The following NPM1 variants were observed in gnomAD, a reference collection of about 807,000 sequenced individuals.
The protein encoded by NPM1 is nucleophosmin.
Under a neutral mutation model 44.1 loss-of-function variants are expected in NPM1, and 1 was observed. The ratio of observed to expected loss-of-function variants is 0.02; its 90% CI spans 0.01 to 0.11. The LOEUF (loss-of-function observed/expected upper bound fraction) is 0.11. Among genes scored for constraint, NPM1 ranks in the 10% least tolerant of loss-of-function variants. The probability of loss-of-function intolerance (pLI) is 1.00; values close to 1 mark genes in which losing one functional copy is unlikely to be tolerated. For synonymous variants in NPM1, 126 were observed against 111.8 expected (o/e 1.13, Z -0.80); for missense variants, 197 against 347.8 (o/e 0.57, Z 3.45).
At chr5:171,399,252 C>CT (rs1273947117) in intron 6 of NPM1, among the ~76,000 whole-genome samples, 1 of 151,542 alleles carries the variant, frequency 6.6e-6, no homozygotes, top group African/African-American at 2.4e-5. Context: ...CCTTAAGTGT[C>CT]TTTTTTGTTT....
At chr5:171,403,683 G>A (rs1335789460) in intron 8 of NPM1, among the ~76,000 whole-genome samples, 4 of 145,080 alleles carry the variant, frequency 2.8e-5, no homozygotes, top group Non-Finnish European at 6.1e-5. Context: ...GGCCAGGCGG[G>A]GGGCTGACCC....
At chr5:171,387,722 A>G, upstream of NPM1, 1 of 557,986 alleles carries the variant, frequency 1.8e-6, no homozygotes. Flanking sequence ...GTGGGGTTGA[A>G]AAGCGCTTGC....
At chr5:171,395,489 G>A (rs549983640) in intron 6 of NPM1, among the ~76,000 whole-genome samples, 16 of 152,090 alleles carry the variant, frequency 1.1e-4, no homozygotes, top group African/African-American at 3.1e-4. Context: ...TAGTAGAGAC[G>A]GGGTTTCACC....
intron 6 of NPM1, among the ~76,000 whole-genome samples, chr5:171,393,237 G>A (rs550926192): frequency 2.6e-5 from 4 of 152,286 alleles, no homozygotes; most frequent in Admixed American, 2.0e-4. Context: ...TGTTTGTGAA[G>A]TTTGATTATG....
chr5:171,400,058 G>A (rs1771111024), intron 6 of NPM1, 95 bp from the exon 7 acceptor site: 8 of 748,406 alleles, frequency 1.1e-5, no homozygotes, highest in South Asian at 7.6e-5. Flanking sequence ...CGATAAACAT[G>A]GGTGCACAAA....
At chr5:171,396,350 TAAG>T (rs965774684) in intron 6 of NPM1, among the ~76,000 whole-genome samples, 4 of 152,130 alleles carry the variant, frequency 2.6e-5, no homozygotes, top group East Asian at 1.9e-4. Context: ...TTTTAACAAA[TAAG>T]AAAAAATGTT....
At chr5:171,392,264 C>T (rs1770615762) in intron 4 of NPM1, among the ~76,000 whole-genome samples, 2 of 152,262 alleles carry the variant, frequency 1.3e-5, no homozygotes, top group East Asian at 3.9e-4. Context: ...TTAATAAAGA[C>T]AGTCTCATTA....
chr5:171,387,350 A>C (rs561908477), upstream of NPM1: 1 of 158,822 alleles, frequency 6.3e-6, no homozygotes, highest in South Asian at 2.0e-4. Context: ...GCCTTCAGGC[A>C]AGTAAAAAAT....
Position 171,392,785 on chromosome 5 carries a change from C to G in NPM1, c.428C>G (p.Ser143Cys), listed in dbSNP as rs375558588. Residue 143 changes from serine to cysteine, a missense_variant, in exon 5 of 11, where the codon TCT (serine) becomes TGT (cysteine). Physicochemically the swap from Ser to Cys is moderately radical, Grantham distance 112. Transcript: ENST00000296930. ...VKLLSISGKRSAPGGGSKVPQ... is the reference protein window; with the variant it reads ...VKLLSISGKRCAPGGGSKVPQ... Reference sequence around the variant, plus strand: ...CTCTTAAGTATATCTGGAAAGCGGTCTGCCCCTGGAGGTGGTAGCAAGGTT... The same window carrying G: ...CTCTTAAGTATATCTGGAAAGCGGTGTGCCCCTGGAGGTGGTAGCAAGGTT... 4.3e-6 allele frequency: 7 copies of G among 1,613,804 alleles called. No individual in the cohort carries two copies. The highest frequency in any genetic ancestry group is 1.1e-5 in the South Asian group (1 of 91,062).
rs1292713453 is a variant in NPM1, at chr5:171,391,298, T to G, written c.139-7T>G. 1 of 1,604,824 alleles carries G rather than the reference T, an allele frequency of 6.2e-7. No individual in the cohort carries two copies. The highest frequency in any genetic ancestry group is 2.2e-5 in the East Asian group (1 of 44,774). On this transcript the variant is annotated splice_region_variant and splice_polypyrimidine_tract_variant and intron_variant, in intron 2 of 10. Transcript: ENST00000296930. Reference sequence around the variant, plus strand: ...AAGTTGAAGTAGTATTTTTTTTTTGTTCACAGGTCAGTTTAGGGGCTGGTG... The same window carrying G: ...AAGTTGAAGTAGTATTTTTTTTTTGGTCACAGGTCAGTTTAGGGGCTGGTG...
chr5:171,388,794 T>C (rs1297172173), intron 1 of NPM1, among the ~76,000 whole-genome samples: 1 of 152,230 alleles, frequency 6.6e-6, no homozygotes, highest in Non-Finnish European at 1.5e-5. Context: ...TCTGTCTCAC[T>C]GCGGTAGGTG....
At chr5:171,404,956 A>G (rs1160656578) in intron 8 of NPM1, among the ~76,000 whole-genome samples, 1 of 152,032 alleles carries the variant, frequency 6.6e-6, no homozygotes, top group African/African-American at 2.4e-5. Context: ...TTTTATTTAA[A>G]GAGATGGGTG....
intron 6 of NPM1, among the ~76,000 whole-genome samples, chr5:171,396,289 TGTTTTGATAGTA>T (rs1009895042): frequency 3.3e-5 from 5 of 152,188 alleles, no homozygotes; most frequent in Admixed American, 2.0e-4. Flanking sequence ...CCAGTAAAGC[TGTTTTGATAGTA>T]GTTTTGATAG....
At chr5:171,400,084 C>A in intron 6 of NPM1, 69 bp from the exon 7 acceptor site, 1 of 893,540 alleles carries the variant, frequency 1.1e-6, no homozygotes, top group Non-Finnish European at 1.9e-6. Flanking sequence ...ACTTCAAGGT[C>A]CTGCTTTCAA....
intron 8 of NPM1, among the ~76,000 whole-genome samples, chr5:171,401,720 C>G (rs556320164): frequency 6.6e-6 from 1 of 152,160 alleles, no homozygotes; most frequent in Non-Finnish European, 1.5e-5. Context: ...TGAGCCACCA[C>G]GCCTGGCCTG....
intron 10 of NPM1, among the ~76,000 whole-genome samples, chr5:171,408,391 T>C (rs547386939): frequency 1.3e-5 from 2 of 152,292 alleles, no homozygotes; most frequent in South Asian, 4.1e-4. Flanking sequence ...TAAATAGGGA[T>C]GTTAGGTATC....
chr5:171,390,277 CTG>C (rs574017428), intron 2 of NPM1, 147 bp downstream of exon 2: 326 of 500,218 alleles, frequency 6.5e-4, no homozygotes, highest in Admixed American at 3.9e-3. Context: ...ACCTCACTGT[CTG>C]TACATCTTTG....
chr5:171,403,350 A>T (rs1771337548), intron 8 of NPM1, among the ~76,000 whole-genome samples: 2 of 91,494 alleles, frequency 2.2e-5, no homozygotes, highest in Non-Finnish European at 4.6e-5. Flanking sequence ...CAGGATCCCA[A>T]GGCAGAGGAA....
intron 4 of NPM1, 52 bp downstream of exon 4, chr5:171,391,851 T>C: frequency 8.8e-7 from 1 of 1,141,104 alleles, no homozygotes; most frequent in Non-Finnish European, 1.3e-6. Flanking sequence ...TTAGTGCAGT[T>C]GCTTGGTTCC....
Sources: allele counts gnomAD v4.1 joint callset (sites outside exome capture counted in the v4.1 genomes callset), GRCh38; gene constraint gnomAD v4.1.1; transcripts MANE v1.5; gene names NCBI Gene and HGNC (gene_info 2026-07-23, HGNC 2026-07-21).